TRIT1: variants seen among roughly 807,000 people sequenced by gnomAD.
TRIT1 encodes the protein tRNA isopentenyltransferase 1, also known as tRNA dimethylallyltransferase.
In TRIT1, 43 loss-of-function variants were observed where a neutral mutation model predicts 51.2. That is an observed-to-expected ratio of 0.84 (90% confidence interval 0.66 to 1.08). TRIT1 has a LOEUF of 1.08. TRIT1 is among the 50% of genes least tolerant of loss of function. The pLI is 0.00. For synonymous variants in TRIT1, 184 were observed against 203.9 expected (o/e 0.90, Z 0.83); for missense variants, 528 against 578.4 (o/e 0.91, Z 0.89).
At chr1:39,843,997 C>A in intron 10 of TRIT1, 104 bp downstream of exon 10, 1 of 758,496 alleles carries the variant, frequency 1.3e-6, no homozygotes, top group South Asian at 2.0e-5. Flanking sequence ...TGTCCCTTTA[C>A]AAATAAATAG....
chr1:39,881,214 G>A (rs1253036093), intron 1 of TRIT1, among the ~76,000 whole-genome samples: 3 of 130,102 alleles, frequency 2.3e-5, no homozygotes, highest in Admixed American at 8.6e-5. Flanking sequence ...CAACAAGAGC[G>A]AAACTCTGTC....
In TRIT1 at chr1:39,838,242, T is replaced by C. The variant is rs992004581; in HGVS notation, c.*3502A>G. ...CCTTAACTGCCCAAGTAGGTGATAA[T>C]CAAATACAGAAATTCCTGCTGGTGG... On this transcript the variant is annotated 3_prime_UTR_variant, in exon 11 of 11. Coordinates refer to ENST00000316891, the MANE Select transcript of TRIT1 (RefSeq NM_017646.6). Among the ~76,000 whole-genome samples, 1 of 152,214 alleles carries C rather than the reference T, an allele frequency of 6.6e-6. No homozygotes were observed. The highest frequency in any genetic ancestry group is 1.5e-5 in the Non-Finnish European group (1 of 68,026).
intron 1 of TRIT1, among the ~76,000 whole-genome samples, chr1:39,860,167 A>C (rs1381449980): frequency 6.6e-6 from 1 of 152,258 alleles, no homozygotes; most frequent in Non-Finnish European, 1.5e-5. Context: ...GTTTAAAGAA[A>C]GCAGAGCTCT....
chr1:39,866,916 A>T (rs1029128489), intron 1 of TRIT1, among the ~76,000 whole-genome samples: 2 of 152,158 alleles, frequency 1.3e-5, no homozygotes, highest in Non-Finnish European at 2.9e-5. Context: ...TGCTTGAGCC[A>T]GGAGGTCAGG....
intron 1 of TRIT1, 68 bp downstream of exon 1, chr1:39,883,250 C>T: frequency 1.3e-6 from 2 of 1,524,482 alleles, no homozygotes; most frequent in Admixed American, 3.9e-5. Context: ...CCCTTTAAGA[C>T]CTTTGCCACA....
intron 1 of TRIT1, among the ~76,000 whole-genome samples, chr1:39,880,441 T>C (rs1441605144): frequency 6.6e-6 from 1 of 152,182 alleles, no homozygotes; most frequent in Non-Finnish European, 1.5e-5. Flanking sequence ...TTTGTTTACA[T>C]GTTTACCAAA....
rs759308213 is a variant in TRIT1, at chr1:39,852,927, G to A, written c.415-51C>T. On this transcript the variant is annotated intron_variant, in intron 3 of 10. Coordinates refer to ENST00000316891, the MANE Select transcript of TRIT1 (RefSeq NM_017646.6). ...ATTTAATTCAACCAACACTGAGACA[G>A]TGTATGTGCCAGGCACTTTGCTAAC... is the stretch of plus-strand genomic sequence containing the variant. 4 of 1,593,754 alleles carry A rather than the reference G, an allele frequency of 2.5e-6. No individual in the cohort carries two copies. The South Asian group carries it at 4.5e-5, about 18-fold the overall frequency.
chr1:39,869,174 C>T (rs569345630), intron 1 of TRIT1, among the ~76,000 whole-genome samples: 3 of 152,146 alleles, frequency 2.0e-5, no homozygotes, highest in East Asian at 3.9e-4. Context: ...ACTGTAGTGC[C>T]GCCATCTCGG....
Position 39,841,599 on chromosome 1 carries a change from A to G in TRIT1, c.*145T>C. ...ATTATAGAGAACGTGAGACTTTAAAACCACATCAAAAGAAAATGGTGGGAG... is the reference window on the plus strand; with the variant it reads ...ATTATAGAGAACGTGAGACTTTAAAGCCACATCAAAAGAAAATGGTGGGAG... On this transcript the variant is annotated 3_prime_UTR_variant, in exon 11 of 11. Transcript: ENST00000316891. The G allele has an allele frequency of 1.3e-6, 1 of 798,790 alleles. No homozygotes were observed. The allele number at this position is 798,790 out of a possible 1,614,324, so 49.5% of individuals were successfully genotyped here.
intron 1 of TRIT1, 55 bp downstream of exon 1, chr1:39,883,263 G>A: frequency 6.4e-7 from 1 of 1,550,966 alleles, no homozygotes. Context: ...TTGCCACAGG[G>A]TGTCCACGCG....
At chr1:39,861,055 C>A (rs564229561) in intron 1 of TRIT1, among the ~76,000 whole-genome samples, 1 of 152,050 alleles carries the variant, frequency 6.6e-6, no homozygotes, top group South Asian at 2.1e-4. Flanking sequence ...CTAGCCTGGG[C>A]GACGGAGCAA....
At chr1:39,871,629 A>G (rs1163873986) in intron 1 of TRIT1, among the ~76,000 whole-genome samples, 2 of 152,328 alleles carry the variant, frequency 1.3e-5, no homozygotes, top group African/African-American at 4.8e-5. Flanking sequence ...TGCTAAGTGA[A>G]AAAAGCCAAA....
At chr1:39,865,591 C>A (rs1216865821) in intron 1 of TRIT1, among the ~76,000 whole-genome samples, 2 of 133,710 alleles carry the variant, frequency 1.5e-5, no homozygotes, top group Non-Finnish European at 3.2e-5. Flanking sequence ...AATCCCAGCA[C>A]CGTGGGTGGC....
At chr1:39,870,931 C>T (rs6600304) in intron 1 of TRIT1, among the ~76,000 whole-genome samples, 24,764 of 152,110 alleles carry the variant, frequency 0.16, 2,266 homozygotes, top group Non-Finnish European at 0.22. Context: ...CGGTAGCTCA[C>T]GCCTGTAATC....
At position 39,841,070 on chromosome 1, in the gene TRIT1, A is replaced by G. The variant is rs1641868575; in HGVS notation, c.*674T>C. ...AGAGGCTCTTGTAAATTTTTTCTTTATTTAAACTTCAATAAAAATATAGAT... is the reference window on the plus strand; with the variant it reads ...AGAGGCTCTTGTAAATTTTTTCTTTGTTTAAACTTCAATAAAAATATAGAT... On this transcript the variant is annotated 3_prime_UTR_variant, in exon 11 of 11. Transcript: ENST00000316891. The G allele has an allele frequency of 6.6e-6, 1 of 152,102 alleles. No individual in the cohort carries two copies. The highest frequency in any genetic ancestry group is 2.4e-5 in the African/African-American group (1 of 41,438). The allele number at this position is 152,102 out of a possible 1,614,324, so 9.4% of individuals were successfully genotyped here. A position where few individuals can be genotyped will look rare whatever the true frequency, so the allele number is the denominator to read the frequency against.
Position 39,841,580 on chromosome 1 carries a change from G to A in TRIT1, c.*164C>T. On this transcript the variant is annotated 3_prime_UTR_variant, in exon 11 of 11. Coordinates refer to ENST00000316891, the MANE Select transcript of TRIT1 (RefSeq NM_017646.6). ...GACAAGACCTGCTGTTTCTATTATA[G>A]AGAACGTGAGACTTTAAAACCACAT... The A allele has an allele frequency of 1.6e-6, 1 of 626,020 alleles. No individual in the cohort carries two copies. Among genetic ancestry groups the A allele is most frequent in the Non-Finnish European group, 2.6e-6 (1 of 383,290 alleles). 38.8% of individuals were successfully genotyped at this position (626,020 alleles called of 1,614,324 possible).
At chr1:39,851,166 G>GA (rs1316167810) in intron 4 of TRIT1, among the ~76,000 whole-genome samples, 1 of 151,774 alleles carries the variant, frequency 6.6e-6, no homozygotes, top group Non-Finnish European at 1.5e-5. Flanking sequence ...AGATCTATGA[G>GA]AAAAAATGTA....
intron 8 of TRIT1, among the ~76,000 whole-genome samples, 190 bp from the exon 9 acceptor site, chr1:39,844,830 T>G (rs1193892324): frequency 1.3e-5 from 2 of 152,228 alleles, no homozygotes; most frequent in African/African-American, 4.8e-5. Context: ...CTGCAGCTAG[T>G]AAGACTAGCT....
chr1:39,861,297 G>A (rs1382068491), intron 1 of TRIT1, among the ~76,000 whole-genome samples: 1 of 152,088 alleles, frequency 6.6e-6, no homozygotes, highest in African/African-American at 2.4e-5. Context: ...GGAAGACTGA[G>A]GCAGACCCAG....
Sources: gnomAD v4.1 joint callset for allele counts (sites outside exome capture counted in the v4.1 genomes callset) on GRCh38, gnomAD v4.1.1 for gene constraint, MANE v1.5 for transcripts, NCBI Gene and HGNC (gene_info 2026-07-23, HGNC 2026-07-21) for gene names.